Variants in DYNC1I1 observed in about 807,000 individuals in gnomAD.
DYNC1I1 encodes the protein dynein cytoplasmic 1 intermediate chain 1.
In DYNC1I1, 43 loss-of-function variants were observed where a neutral mutation model predicts 86.6. The observed-to-expected ratio is 0.50, with a 90% CI of 0.39 to 0.64. The LOEUF is 0.64. Among genes scored for constraint, DYNC1I1 ranks in the 30% least tolerant of loss-of-function variants. The pLI is 0.00. For missense variants in DYNC1I1, 604 were observed against 788.8 expected, an observed-to-expected ratio of 0.77 and a Z score of 2.81; for synonymous variants, 262 against 283.7, an observed-to-expected ratio of 0.92 and a Z score of 0.77.
At chr7:96,000,608 A>T (rs1462516802) in intron 10 of DYNC1I1, among the ~76,000 whole-genome samples, 1 of 152,184 alleles carries the variant, frequency 6.6e-6, no homozygotes, top group African/African-American at 2.4e-5. Context: ...ATTGAGAATG[A>T]CCGATCCGAT....
intron 5 of DYNC1I1, among the ~76,000 whole-genome samples, chr7:95,852,786 G>A (rs1027210276): frequency 1.3e-5 from 2 of 152,278 alleles, no homozygotes; most frequent in South Asian, 2.1e-4. Flanking sequence ...GATTACAGGC[G>A]TGAGCCACCG....
At chr7:96,102,983 C>T (rs1311143913), downstream of DYNC1I1, among the ~76,000 whole-genome samples, 2 of 152,060 alleles carry the variant, frequency 1.3e-5, no homozygotes, top group African/African-American at 4.8e-5. Context: ...TAAAAGAAAC[C>T]CCTTATAAGA....
At chr7:95,937,588 G>T (rs1194821674) in intron 6 of DYNC1I1, among the ~76,000 whole-genome samples, 1 of 151,446 alleles carries the variant, frequency 6.6e-6, no homozygotes, top group African/African-American at 2.4e-5. Flanking sequence ...AGAATATTGG[G>T]GTATTATCAT....
intron 6 of DYNC1I1, among the ~76,000 whole-genome samples, chr7:95,913,791 T>A (rs144577849): frequency 6.6e-6 from 1 of 152,242 alleles, no homozygotes; most frequent in East Asian, 1.9e-4. Context: ...TCACTAATAA[T>A]GCTATGGGTT....
chr7:95,954,372 C>T (rs1792645684), intron 6 of DYNC1I1, among the ~76,000 whole-genome samples: 1 of 151,680 alleles, frequency 6.6e-6, no homozygotes, highest in South Asian at 2.1e-4. Context: ...ACTTCAAGTG[C>T]CCAGTTGCCA....
chr7:96,080,224 C>T, intron 15 of DYNC1I1, 139 bp from the exon 16 acceptor site: 1 of 1,100,918 alleles, frequency 9.1e-7, no homozygotes, highest in South Asian at 2.2e-5. Context: ...GCCCTTTTTC[C>T]CCCCGGCACA....
chr7:95,878,816 T>G (rs1305901701), intron 6 of DYNC1I1, among the ~76,000 whole-genome samples: 2 of 151,684 alleles, frequency 1.3e-5, no homozygotes, highest in Non-Finnish European at 2.9e-5. Flanking sequence ...AAGGAAAATA[T>G]CCTGAAAGCA....
chr7:95,852,985 A>G (rs1030932521), intron 5 of DYNC1I1, among the ~76,000 whole-genome samples: 1 of 152,080 alleles, frequency 6.6e-6, no homozygotes, highest in African/African-American at 2.4e-5. Context: ...TTGTCTCAAG[A>G]AATTTTTACA....
Position 96,039,359 on chromosome 7 carries a change from G to A in DYNC1I1, c.1447G>A (p.Asp483Asn). Reference sequence around the variant, plus strand: ...CTGCCACATGGCAGTGGGCCCAATCGACTTTTCTCACCTGTTTGTCACATC... The same window carrying A: ...CTGCCACATGGCAGTGGGCCCAATCAACTTTTCTCACCTGTTTGTCACATC... The part of the protein sequence containing the change: ...INCHMAVGPI[D>N]FSHLFVTSSF... Residue 483 changes from aspartate to asparagine, a missense_variant, in exon 14 of 17, where the codon GAC becomes AAC. By Grantham distance (23) the Asp-to-Asn change is conservative. Transcript: ENST00000447467. 4 of 1,614,080 alleles carry A rather than the reference G, an allele frequency of 2.5e-6. No homozygotes were observed. The highest frequency in any genetic ancestry group is 1.3e-5 in the African/African-American group (1 of 75,038).
chr7:95,960,036 G>T (rs952613050), intron 6 of DYNC1I1, among the ~76,000 whole-genome samples: 1 of 152,178 alleles, frequency 6.6e-6, no homozygotes, highest in African/African-American at 2.4e-5. Context: ...TTAGATCACA[G>T]GAGATCATAT....
intron 15 of DYNC1I1, among the ~76,000 whole-genome samples, chr7:96,077,827 C>T (rs374921604): frequency 8.5e-5 from 13 of 152,124 alleles, no homozygotes; most frequent in Admixed American, 2.6e-4. Context: ...TAAAATGAAA[C>T]TAATGTCTCA....
chr7:96,107,475 T>G (rs1791233790), intron 16 of DYNC1I1, among the ~76,000 whole-genome samples: 1 of 152,120 alleles, frequency 6.6e-6, no homozygotes, highest in African/African-American at 2.4e-5. Flanking sequence ...TAGCATTTAT[T>G]GTAGCACAGG....
At chr7:96,051,752 G>T (rs1044385924) in intron 14 of DYNC1I1, among the ~76,000 whole-genome samples, 7 of 152,048 alleles carry the variant, frequency 4.6e-5, no homozygotes, top group African/African-American at 1.7e-4. Flanking sequence ...CCTCTGATGG[G>T]GTTAAAATAT....
chr7:95,814,995 G>T (rs1335514261), intron 4 of DYNC1I1, among the ~76,000 whole-genome samples: 1 of 151,854 alleles, frequency 6.6e-6, no homozygotes, highest in Admixed American at 6.6e-5. Flanking sequence ...CTTGGGGGGG[G>T]TCCATTGGCC....
chr7:95,874,548 A>G (rs1201450353), intron 6 of DYNC1I1, among the ~76,000 whole-genome samples: 2 of 152,240 alleles, frequency 1.3e-5, no homozygotes, highest in African/African-American at 4.8e-5. Context: ...TTAACCCCTA[A>G]TACGACTATG....
At chr7:95,953,391 CAA>C (rs1209046915) in intron 6 of DYNC1I1, among the ~76,000 whole-genome samples, 9 of 151,296 alleles carry the variant, frequency 5.9e-5, no homozygotes, top group South Asian at 4.2e-4. Context: ...TTTCTCCTAT[CAA>C]GAGAGAGAGA....
At chr7:95,854,490 C>A (rs1351654016) in intron 5 of DYNC1I1, among the ~76,000 whole-genome samples, 1 of 152,020 alleles carries the variant, frequency 6.6e-6, no homozygotes, top group Admixed American at 6.6e-5. Flanking sequence ...TATTGCATAT[C>A]CCTTAACAAA....
chr7:95,831,666 T>A (rs1459819206), intron 5 of DYNC1I1, among the ~76,000 whole-genome samples: 2 of 35,262 alleles, frequency 5.7e-5, no homozygotes, highest in Non-Finnish European at 9.6e-5. Context: ...CTTCCAATAC[T>A]TCTTATTTTT....
At chr7:95,914,650 A>G (rs1791422475) in intron 6 of DYNC1I1, among the ~76,000 whole-genome samples, 1 of 152,244 alleles carries the variant, frequency 6.6e-6, no homozygotes, top group Admixed American at 6.5e-5. Context: ...CAAGCATTTC[A>G]AAATGAAACT....
Sources: gnomAD v4.1 joint callset for allele counts (sites outside exome capture counted in the v4.1 genomes callset) on GRCh38, gnomAD v4.1.1 for gene constraint, MANE v1.5 for transcripts, NCBI Gene and HGNC (gene_info 2026-07-23, HGNC 2026-07-21) for gene names.